Variants in ZNF407 observed in about 807,000 individuals in gnomAD.
The protein encoded by ZNF407 is zinc finger protein 407.
In ZNF407, 17 loss-of-function variants were observed where a neutral mutation model predicts 131.2. The observed-to-expected ratio is 0.13, with a 90% CI of 0.09 to 0.19. ZNF407 has a LOEUF of 0.19. Ranked by LOEUF, ZNF407 falls within the 10% of genes least tolerant of loss-of-function variation. The pLI is 1.00. For synonymous variants in ZNF407, 1,156 were observed against 1,062.0 expected (o/e 1.09, Z -1.72); for missense variants, 2,681 against 2,830.6 (o/e 0.95, Z 1.20).
intron 3 of ZNF407, among the ~76,000 whole-genome samples, chr18:74,769,555 C>G (rs964546422): frequency 6.6e-6 from 1 of 152,074 alleles, no homozygotes; most frequent in African/African-American, 2.4e-5. Context: ...ATGGCAATTC[C>G]CATTTTATAG....
rs1287245095 is a variant in ZNF407, at chr18:74,703,883, T to C, written c.4802+62761T>C. Among the ~76,000 whole-genome samples the C allele has an allele frequency of 6.6e-6, 1 of 152,160 alleles. No homozygotes were observed. Among genetic ancestry groups the C allele is most frequent in the Non-Finnish European group, 1.5e-5 (1 of 68,044 alleles). On this transcript the variant is annotated intron_variant, in intron 3 of 8. Transcript: ENST00000299687. The surrounding 1 kb of genome is among the most constrained non-coding windows in gnomAD (Gnocchi z 4.1). ...TGAGATATGAGGTGGTAAATGTCAA[T>C]TTGTGCAATTTCTTTACATCATCAA...
intron 8 of ZNF407, among the ~76,000 whole-genome samples, chr18:75,023,697 C>T (rs891255902): frequency 1.3e-5 from 2 of 152,094 alleles, no homozygotes; most frequent in East Asian, 1.9e-4. Flanking sequence ...AGTTGTGAAT[C>T]GTCAGCTACT....
At chr18:75,015,799 C>T (rs1416963634) in intron 8 of ZNF407, among the ~76,000 whole-genome samples, 2 of 151,942 alleles carry the variant, frequency 1.3e-5, no homozygotes, top group East Asian at 3.9e-4. Context: ...TGGAATTTCA[C>T]ATTTAGTTTT....
At chr18:74,754,508 A>G (rs1468356926) in intron 3 of ZNF407, among the ~76,000 whole-genome samples, 1 of 152,166 alleles carries the variant, frequency 6.6e-6, no homozygotes, top group Admixed American at 6.5e-5. Flanking sequence ...TTCCCTCTAC[A>G]CACTGCTTTA....
chr18:74,918,769 T>G (rs1410293439), intron 7 of ZNF407, among the ~76,000 whole-genome samples: 1 of 152,136 alleles, frequency 6.6e-6, no homozygotes, highest in Non-Finnish European at 1.5e-5. Flanking sequence ...ATTTAACATA[T>G]AAAACTTTAT....
Position 75,063,501 on chromosome 18 carries a change from G to C in ZNF407, c.5780G>C (p.Gly1927Ala). Residue 1927 changes from glycine to alanine, a missense_variant, in exon 9 of 9, where the codon GGA becomes GCA. Physicochemically the swap from Gly to Ala is moderately conservative, Grantham distance 60. This residue lies in a region of ZNF407 where 620 missense variants were observed against 583.1 expected (regional missense o/e 1.06). Coordinates refer to ENST00000299687, the MANE Select transcript of ZNF407 (RefSeq NM_017757.3). The surrounding 1 kb of genome is among the most constrained non-coding windows in gnomAD (Gnocchi z 6.6). ...SGAHVGSVVP[G>A]PILPEQLADG... Reference sequence around the variant, plus strand: ...GCACATGTAGGCAGCGTGGTGCCCGGACCCATCCTCCCCGAGCAGCTGGCT... The same window carrying C: ...GCACATGTAGGCAGCGTGGTGCCCGCACCCATCCTCCCCGAGCAGCTGGCT... 1 of 1,591,584 alleles carries C rather than the reference G, an allele frequency of 6.3e-7. No individual in the cohort carries two copies. Among genetic ancestry groups the C allele is most frequent in the Non-Finnish European group, 8.5e-7 (1 of 1,170,698 alleles).
intron 8 of ZNF407, among the ~76,000 whole-genome samples, chr18:75,009,600 T>C (rs1972950343): frequency 6.6e-6 from 1 of 152,216 alleles, no homozygotes; most frequent in Admixed American, 6.5e-5. Context: ...AAATAATAGC[T>C]ATCACTTGTT....
chr18:74,702,260 G>A (rs989969082), intron 3 of ZNF407, among the ~76,000 whole-genome samples: 7 of 152,164 alleles, frequency 4.6e-5, no homozygotes, highest in Non-Finnish European at 8.8e-5. Flanking sequence ...TGAGAAGGAT[G>A]TATGTGTTTT....
intron 8 of ZNF407, among the ~76,000 whole-genome samples, chr18:74,943,369 A>C (rs1171785962): frequency 6.6e-6 from 1 of 152,184 alleles, no homozygotes; most frequent in Non-Finnish European, 1.5e-5. Flanking sequence ...TTTATGTGTG[A>C]AGCATTTATT....
intron 3 of ZNF407, among the ~76,000 whole-genome samples, chr18:74,650,957 A>C (rs1196595185): frequency 1.4e-5 from 2 of 147,154 alleles, no homozygotes; most frequent in Admixed American, 6.8e-5. Flanking sequence ...ATCTATCTAT[A>C]TATAAATATA....
chr18:75,003,673 T>C (rs920293848), intron 8 of ZNF407, among the ~76,000 whole-genome samples: 2 of 152,346 alleles, frequency 1.3e-5, no homozygotes, highest in East Asian at 3.9e-4. Context: ...GGAGGTCACA[T>C]AATACATTTC....
intron 8 of ZNF407, among the ~76,000 whole-genome samples, chr18:74,985,470 A>G (rs1972641815): frequency 6.6e-6 from 1 of 152,228 alleles, no homozygotes; most frequent in Admixed American, 6.5e-5. Flanking sequence ...CTTTAGACTA[A>G]TCTTTGAGTT....
At chr18:74,695,518 A>G (rs1454389252) in intron 3 of ZNF407, among the ~76,000 whole-genome samples, 2 of 150,074 alleles carry the variant, frequency 1.3e-5, no homozygotes, top group African/African-American at 4.9e-5. Context: ...TTGGCCTGAT[A>G]GCACAGCCTT....
chr18:74,885,900 A>T (rs1006159917), intron 6 of ZNF407, among the ~76,000 whole-genome samples: 1 of 152,212 alleles, frequency 6.6e-6, no homozygotes, highest in Non-Finnish European at 1.5e-5. Flanking sequence ...CTGACTTTGG[A>T]TTATCAATGA....
At chr18:74,684,946 G>GA (rs932478872) in intron 3 of ZNF407, among the ~76,000 whole-genome samples, 3 of 151,666 alleles carry the variant, frequency 2.0e-5, no homozygotes, top group Non-Finnish European at 4.4e-5. Context: ...TTGGAATGCT[G>GA]AAAAAAAACC....
At chr18:75,056,582 T>TC (rs1222704940) in intron 8 of ZNF407, among the ~76,000 whole-genome samples, 1 of 151,978 alleles carries the variant, frequency 6.6e-6, no homozygotes, top group Non-Finnish European at 1.5e-5. Flanking sequence ...AGGCAGGGAG[T>TC]CCCCCGTAAT....
intron 4 of ZNF407, among the ~76,000 whole-genome samples, chr18:74,873,980 CTTTAA>C (rs1465555614): frequency 3.3e-5 from 5 of 152,124 alleles, no homozygotes; most frequent in African/African-American, 1.2e-4. Context: ...CTTTTGAAAC[CTTTAA>C]GATCTCTTTA....
intron 8 of ZNF407, among the ~76,000 whole-genome samples, chr18:74,952,501 G>A (rs897974121): frequency 3.9e-5 from 6 of 152,162 alleles, no homozygotes; most frequent in African/African-American, 1.4e-4. Flanking sequence ...TAACCCTCAG[G>A]GAAAGATAGA....
At chr18:74,927,296 G>A (rs889326868) in intron 8 of ZNF407, among the ~76,000 whole-genome samples, 2 of 152,196 alleles carry the variant, frequency 1.3e-5, no homozygotes, top group Admixed American at 6.5e-5. Flanking sequence ...ACATCACCCT[G>A]CTGTACAGGA....
Sources: allele counts gnomAD v4.1 joint callset (sites outside exome capture counted in the v4.1 genomes callset), GRCh38; gene constraint gnomAD v4.1.1; regional missense constraint gnomAD v4.1.1; non-coding constraint Gnocchi (gnomAD v3.1); transcripts MANE v1.5; gene names NCBI Gene and HGNC (gene_info 2026-07-23, HGNC 2026-07-21).